CNTNAP2: variants seen among roughly 807,000 people sequenced by gnomAD.
CNTNAP2 encodes the protein contactin associated protein 2, also known as contactin-associated protein-like 2.
In CNTNAP2, 98 loss-of-function variants were observed where a neutral mutation model predicts 155.2. The observed-to-expected ratio is 0.63, with a 90% CI of 0.54 to 0.75. The LOEUF is 0.75. Ranked by LOEUF, CNTNAP2 falls within the 30% of genes least tolerant of loss-of-function variation. The pLI is 0.00. For missense variants in CNTNAP2, 1,727 were observed against 1,688.1 expected (o/e 1.02, Z -0.40); for synonymous variants, 651 against 631.2 (o/e 1.03, Z -0.47).
chr7:146,584,592 C>T (rs989148600), intron 1 of CNTNAP2, among the ~76,000 whole-genome samples: 34 of 152,200 alleles, frequency 2.2e-4, no homozygotes, highest in African/African-American at 7.7e-4. Flanking sequence ...TCTACATTCA[C>T]ATCCTCGCAC....
chr7:147,257,042 G>A (rs149966243), intron 8 of CNTNAP2, among the ~76,000 whole-genome samples: 33 of 152,320 alleles, frequency 2.2e-4, no homozygotes, highest in African/African-American at 6.7e-4. Flanking sequence ...TTTTATGAAA[G>A]AAGGGATGCT....
At chr7:147,400,309 G>A (rs960365430) in intron 10 of CNTNAP2, among the ~76,000 whole-genome samples, 5 of 152,150 alleles carry the variant, frequency 3.3e-5, no homozygotes, top group African/African-American at 1.2e-4. Flanking sequence ...GGGATGGAGT[G>A]AGTCAGTCCT....
At chr7:147,020,003 ATG>A in intron 3 of CNTNAP2, among the ~76,000 whole-genome samples, 1 of 152,034 alleles carries the variant, frequency 6.6e-6, no homozygotes, top group African/African-American at 2.4e-5. Context: ...ATAGTATGGT[ATG>A]GTATGGTATG....
At chr7:148,413,635 T>C (rs1021958181) in intron 23 of CNTNAP2, among the ~76,000 whole-genome samples, 4 of 151,658 alleles carry the variant, frequency 2.6e-5, no homozygotes, top group African/African-American at 9.7e-5. Context: ...TGATTTTCTG[T>C]TCAATTGTTC....
intron 16 of CNTNAP2, among the ~76,000 whole-genome samples, chr7:148,129,687 G>T (rs1347083873): frequency 1.3e-5 from 2 of 152,186 alleles, no homozygotes; most frequent in East Asian, 3.8e-4. Context: ...ACTGACCAGA[G>T]ACCAGTCCTT....
chr7:148,098,268 A>G (rs1804014323), intron 15 of CNTNAP2, among the ~76,000 whole-genome samples: 2 of 151,340 alleles, frequency 1.3e-5, no homozygotes, highest in African/African-American at 2.4e-5. Flanking sequence ...ACATGGTGAA[A>G]CCCCACCTCT....
chr7:146,329,937 C>T (rs1267790030), intron 1 of CNTNAP2, among the ~76,000 whole-genome samples: 1 of 149,718 alleles, frequency 6.7e-6, no homozygotes, highest in East Asian at 2.0e-4. Context: ...TTTTATTTTT[C>T]TCCAACTTTA....
chr7:146,457,678 T>A (rs1392224852), intron 1 of CNTNAP2, among the ~76,000 whole-genome samples: 3 of 150,826 alleles, frequency 2.0e-5, no homozygotes, highest in Non-Finnish European at 4.4e-5. Flanking sequence ...TAATTTTTTT[T>A]ATTTTTAGTA....
intron 1 of CNTNAP2, among the ~76,000 whole-genome samples, chr7:146,382,750 G>T (rs972773767): frequency 3.3e-5 from 5 of 152,192 alleles, no homozygotes; most frequent in Admixed American, 1.3e-4. Context: ...AAAGTTAGCA[G>T]TCCTCATTAG....
chr7:147,366,982 A>G (rs935842614), intron 9 of CNTNAP2, among the ~76,000 whole-genome samples: 4 of 152,100 alleles, frequency 2.6e-5, no homozygotes, highest in African/African-American at 9.7e-5. Flanking sequence ...TTATTTATAT[A>G]TCTTTAGATC....
At chr7:148,407,703 T>TAAAAAAAAAAAAAA (rs57666141) in intron 22 of CNTNAP2, among the ~76,000 whole-genome samples, 1 of 93,126 alleles carries the variant, frequency 1.1e-5, no homozygotes. Context: ...GACCAAATCT[T>TAAAAAAAAAAAAAA]AAAAAAAAAA....
At chr7:147,571,683 T>C (rs903747934) in intron 12 of CNTNAP2, among the ~76,000 whole-genome samples, 6 of 152,160 alleles carry the variant, frequency 3.9e-5, no homozygotes, top group Admixed American at 1.3e-4. Context: ...CACAGAGCTC[T>C]CCTATTCTAT....
intron 1 of CNTNAP2, among the ~76,000 whole-genome samples, chr7:146,704,561 C>T (rs1233943956): frequency 6.6e-6 from 1 of 152,008 alleles, no homozygotes; most frequent in Admixed American, 6.6e-5. Context: ...TGTCTATGTT[C>T]CCATCACACT....
intron 1 of CNTNAP2, among the ~76,000 whole-genome samples, chr7:146,661,419 C>T (rs947823238): frequency 2.1e-4 from 32 of 152,008 alleles, no homozygotes; most frequent in Non-Finnish European, 3.8e-4. Flanking sequence ...CCCCATGCTC[C>T]GATGTAATCA....
chr7:146,908,385 G>C (rs1796192925), intron 3 of CNTNAP2, among the ~76,000 whole-genome samples: 2 of 148,152 alleles, frequency 1.3e-5, no homozygotes, highest in South Asian at 4.3e-4. Context: ...TTCCAAAATT[G>C]ACCACATACT....
chr7:148,170,302 T>C (rs1464541314), intron 17 of CNTNAP2, among the ~76,000 whole-genome samples: 1 of 152,224 alleles, frequency 6.6e-6, no homozygotes, highest in African/African-American at 2.4e-5. Flanking sequence ...AGGCCAGACA[T>C]TTATTTAATA....
intron 20 of CNTNAP2, among the ~76,000 whole-genome samples, chr7:148,235,412 A>G (rs1376453879): frequency 6.6e-6 from 1 of 152,144 alleles, no homozygotes; most frequent in Non-Finnish European, 1.5e-5. Context: ...TTAACCCAAT[A>G]AAAGTCTGTC....
chr7:148,062,996 A>G (rs999328207), intron 15 of CNTNAP2, among the ~76,000 whole-genome samples: 3 of 152,170 alleles, frequency 2.0e-5, no homozygotes, highest in African/African-American at 2.4e-5. Context: ...TGACAATAAG[A>G]GAATACCATG....
intron 1 of CNTNAP2, among the ~76,000 whole-genome samples, chr7:146,666,373 C>T (rs1800195663): frequency 6.6e-6 from 1 of 152,110 alleles, no homozygotes; most frequent in Non-Finnish European, 1.5e-5. Context: ...TGTATATACA[C>T]CACATTTTCT....
Sources: gnomAD v4.1 joint callset for allele counts (sites outside exome capture counted in the v4.1 genomes callset) on GRCh38, gnomAD v4.1.1 for gene constraint, MANE v1.5 for transcripts, NCBI Gene and HGNC (gene_info 2026-07-23, HGNC 2026-07-21) for gene names.